The following PFKFB3 variants were observed in gnomAD, a reference collection of about 807,000 sequenced individuals.
PFKFB3 encodes 6-phosphofructo-2-kinase/fructose-2,6-bisphosphatase 3.
PFKFB3 carries 33 observed loss-of-function variants against 68.0 expected under a neutral mutation model. That is an observed-to-expected ratio of 0.49 (90% CI 0.37 to 0.65). The LOEUF is 0.65. PFKFB3 is among the 30% of genes least tolerant of loss of function. The pLI is 0.00. For synonymous variants in PFKFB3, 315 were observed against 288.2 expected (o/e 1.09, Z -0.94); for missense variants, 586 against 712.2 (o/e 0.82, Z 2.02).
chr10:6,239,801 G>A (rs1183533801), downstream of PFKFB3, among the ~76,000 whole-genome samples: 3 of 152,118 alleles, frequency 2.0e-5, no homozygotes, highest in Non-Finnish European at 2.9e-5. Flanking sequence ...AGCCTCCCGA[G>A]TAGCTGAGAC....
exon 1 of PFKFB3, chr10:6,144,990 C>G (rs1395790767): frequency 2.3e-6 from 3 of 1,320,266 alleles, no homozygotes; most frequent in East Asian, 3.1e-5. Flanking sequence ...GGGAGCGCCC[C>G]CGGCGCGATG....
At chr10:6,201,095 G>A (rs1843332805), upstream of PFKFB3, among the ~76,000 whole-genome samples, 1 of 152,166 alleles carries the variant, frequency 6.6e-6, no homozygotes, top group Non-Finnish European at 1.5e-5. The surrounding 1 kb of genome is among the most constrained non-coding windows in gnomAD (Gnocchi z 4.1). Flanking sequence ...GGAACCGCGG[G>A]CGCTCTTTGC....
the PFKFB3 span, among the ~76,000 whole-genome samples, chr10:6,268,053 C>T: frequency 1.3e-5 from 2 of 151,358 alleles, no homozygotes; most frequent in South Asian, 2.1e-4. Flanking sequence ...GGGCCCTGTG[C>T]GACGGAGCAG....
At position 6,228,810 on chromosome 10, in the gene PFKFB3, C is replaced by G. The variant is rs935000537; in HGVS notation, c.1515+2445C>G. Among the ~76,000 whole-genome samples, 13 of 152,222 alleles carry G rather than the reference C, an allele frequency of 8.5e-5. No individual in the cohort carries two copies. Among genetic ancestry groups the G allele is most frequent in the Non-Finnish European group, 1.8e-4 (12 of 68,036 alleles). On this transcript the variant is annotated intron_variant, in intron 14 of 14. Transcript: ENST00000379775. This position sits in a 1 kb window ranked among gnomAD's most constrained non-coding sequence, Gnocchi z 4.5. ...CGTTTGTCCTGGGTTGGAGCCTGCTCAGCGTCATAGTCACGCCCGGGGCTG... is the reference window on the plus strand; with the variant it reads ...CGTTTGTCCTGGGTTGGAGCCTGCTGAGCGTCATAGTCACGCCCGGGGCTG...
At chr10:6,254,808 C>CTTTTTTTTTTTTTTTTT (rs144888417), downstream of PFKFB3, among the ~76,000 whole-genome samples, 144 of 61,634 alleles carry the variant, frequency 2.3e-3, 26 homozygotes, top group Non-Finnish European at 3.0e-3. Flanking sequence ...TTTTTCTGTT[C>CTTTTTTTTTTTTTTTTT]TTTTTTTTTT....
chr10:6,216,604 C>A, intron 4 of PFKFB3, 102 bp from the exon 5 acceptor site: 1 of 849,164 alleles, frequency 1.2e-6, no homozygotes. Flanking sequence ...ACTTTTGGGG[C>A]TTATTCCTGG....
intron 6 of PFKFB3, 95 bp from the exon 7 acceptor site, chr10:6,219,474 C>T (rs754429582): frequency 2.2e-6 from 3 of 1,350,526 alleles, no homozygotes; most frequent in East Asian, 2.3e-5. Context: ...ACTGAGCCTT[C>T]TGTGCGCTCC....
chr10:6,214,534 A>C (rs757451768), intron 2 of PFKFB3, among the ~76,000 whole-genome samples: 6 of 151,184 alleles, frequency 4.0e-5, no homozygotes, highest in Admixed American at 1.3e-4. Context: ...TTTTCAATTA[A>C]TTTTATTTTA....
chr10:6,216,616 G>T (rs1844606070), intron 4 of PFKFB3, 90 bp from the exon 5 acceptor site: 2 of 905,844 alleles, frequency 2.2e-6, no homozygotes, highest in Admixed American at 1.8e-5. Context: ...TATTCCTGGA[G>T]ATGATGGGTC....
At chr10:6,166,222 TC>T (rs2131729548) in intron 1 of PFKFB3, among the ~76,000 whole-genome samples, 1 of 152,178 alleles carries the variant, frequency 6.6e-6, no homozygotes, top group East Asian at 1.9e-4. Flanking sequence ...GCTCAGGTGA[TC>T]CGCCCGCCTC....
intron 1 of PFKFB3, among the ~76,000 whole-genome samples, chr10:6,203,780 T>G (rs1843497595): frequency 6.6e-6 from 1 of 152,208 alleles, no homozygotes; most frequent in African/African-American, 2.4e-5. Flanking sequence ...TGCTATGCAT[T>G]CCTATCCCCT....
intron 1 of PFKFB3, among the ~76,000 whole-genome samples, chr10:6,161,061 G>A (rs1941197053): frequency 6.6e-6 from 1 of 152,142 alleles, no homozygotes; most frequent in African/African-American, 2.4e-5. Context: ...TCAGACTCCC[G>A]AGTAGCTGGG....
intron 7 of PFKFB3, 109 bp downstream of exon 7, chr10:6,219,802 T>A: frequency 8.1e-7 from 1 of 1,229,640 alleles, no homozygotes; most frequent in Non-Finnish European, 1.1e-6. Context: ...AAAATTTTTT[T>A]AAGACAGTTT....
intron 8 of PFKFB3, 50 bp from the exon 9 acceptor site, chr10:6,221,331 G>C (rs866512046): frequency 1.2e-6 from 2 of 1,606,312 alleles, no homozygotes; most frequent in South Asian, 2.2e-5. Context: ...CTGGCTCTTG[G>C]AGGAGCTGCG....
chr10:6,148,001 G>T (rs1037100456), intron 1 of PFKFB3, among the ~76,000 whole-genome samples: 2 of 152,240 alleles, frequency 1.3e-5, no homozygotes, highest in African/African-American at 4.8e-5. Context: ...GACAGCTACT[G>T]AATGTAGTTA....
Position 6,166,106 on chromosome 10 carries a change from A to G in PFKFB3, c.16+21093A>G, listed in dbSNP as rs553337307. Reference sequence around the variant, plus strand: ...GCGATTCTCCTGCTTCAGCCTCCCCAGTAGCTGGGATTACAGGTGCCCCGC... The same window carrying G: ...GCGATTCTCCTGCTTCAGCCTCCCCGGTAGCTGGGATTACAGGTGCCCCGC... On this transcript the variant is annotated intron_variant, in intron 1 of 14. Transcript: ENST00000379789. Among the ~76,000 whole-genome samples the G allele has an allele frequency of 2.7e-5, 4 of 150,304 alleles. No individual in the cohort carries two copies. In the South Asian group the frequency reaches 8.4e-4, roughly 31 times the overall value.
chr10:6,326,471 G>A, the PFKFB3 span: 1 of 439,674 alleles, frequency 2.3e-6, no homozygotes, highest in Non-Finnish European at 4.5e-6. Context: ...AATGAACGTG[G>A]TCTATAATAA....
In PFKFB3 at chr10:6,220,740, G is replaced by A. The variant is rs777223374; in HGVS notation, c.706G>A (p.Val236Met). 17 of 1,613,956 alleles carry A rather than the reference G, an allele frequency of 1.1e-5. No individual in the cohort carries two copies. Among genetic ancestry groups the A allele is most frequent in the South Asian group, 4.4e-5 (4 of 91,088 alleles). ...GCAGGACCACATCCAGAGCCGCATC[G>A]TGTACTACCTGATGAACATCCACGT... ...RVQDHIQSRI[V>M]YYLMNIHVQP... Residue 236 changes from valine (V) to methionine (M), a missense_variant, in exon 8 of 15, where the codon GTG (valine) becomes ATG (methionine). Transcript: ENST00000379775. This position sits in a 1 kb window ranked among gnomAD's most constrained non-coding sequence, Gnocchi z 4.1.
At chr10:6,162,634 A>T (rs1842002307) in intron 1 of PFKFB3, among the ~76,000 whole-genome samples, 1 of 152,240 alleles carries the variant, frequency 6.6e-6, no homozygotes. Context: ...CGGGATTTTT[A>T]AAATTATGAC....
Sources: gnomAD v4.1 joint callset for allele counts (sites outside exome capture counted in the v4.1 genomes callset) on GRCh38, gnomAD v4.1.1 for gene constraint, Gnocchi (gnomAD v3.1) non-coding constraint, MANE v1.5 for transcripts, NCBI Gene and HGNC (gene_info 2026-07-23, HGNC 2026-07-21) for gene names.